ZNF276: variants seen among roughly 807,000 people sequenced by gnomAD.
ZNF276 encodes the protein centromere protein Z.
A neutral mutation model predicts 63.9 loss-of-function variants in ZNF276; 59 were observed. The ratio of observed to expected loss-of-function variants is 0.92; its 90% CI spans 0.75 to 1.15. The LOEUF is 1.15. Ranked by LOEUF, ZNF276 falls within the 50% of genes most tolerant of loss-of-function variation. ZNF276 has a pLI of 0.00. For missense variants in ZNF276, 1,084 were observed against 843.8 expected, an observed-to-expected ratio of 1.28 and a Z score of -3.53; for synonymous variants, 496 against 348.4, an observed-to-expected ratio of 1.42 and a Z score of -4.72.
intron 4 of ZNF276, 71 bp downstream of exon 4, chr16:89,723,780 A>G: frequency 1.4e-6 from 2 of 1,447,574 alleles, no homozygotes; most frequent in Non-Finnish European, 9.3e-7. Flanking sequence ...TTCAGCAGAA[A>G]GTGAATGTCT....
intron 4 of ZNF276, among the ~76,000 whole-genome samples, chr16:89,724,892 G>A (rs1347712329): frequency 6.6e-6 from 1 of 152,074 alleles, no homozygotes. Flanking sequence ...GTATATCTAT[G>A]TATCTACTTA....
intron 4 of ZNF276, among the ~76,000 whole-genome samples, chr16:89,726,123 C>G (rs778487043): frequency 6.6e-6 from 1 of 152,234 alleles, no homozygotes; most frequent in Admixed American, 6.5e-5. Flanking sequence ...TCAAGTGATT[C>G]TCCTGTCTCA....
Position 89,738,428 on chromosome 16 carries a change from C to A in ZNF276, c.*182C>A, listed in dbSNP as rs568833102. The A allele has an allele frequency of 1.9e-4, 263 of 1,376,020 alleles. 2 individuals are homozygous for A. In the Admixed American group the frequency reaches 5.4e-3, roughly 28 times the overall value. The allele number at this position is 1,376,020 out of a possible 1,614,324, so 85.2% of individuals were successfully genotyped here. On this transcript the variant is annotated 3_prime_UTR_variant, in exon 11 of 11. Coordinates refer to ENST00000443381, the MANE Select transcript of ZNF276 (RefSeq NM_001113525.2). ...GCTCTGGGACCAGTGGTTTATTTTC[C>A]CGCAAACGCTGAGTGACTCGGGGCC...
chr16:89,737,587 C>T (rs976098717), intron 9 of ZNF276: 5 of 791,130 alleles, frequency 6.3e-6, no homozygotes, highest in Non-Finnish European at 9.4e-6. Context: ...TAAAAACCAT[C>T]CTGAAATGCA....
Position 89,740,018 on chromosome 16 carries a change from C to T in ZNF276, c.*1772C>T, listed in dbSNP as rs2062088470. The T allele has an allele frequency of 2.5e-6, 4 of 1,614,142 alleles. No individual in the cohort carries two copies. Among genetic ancestry groups the T allele is most frequent in the Non-Finnish European group, 3.4e-6 (4 of 1,180,002 alleles). The stretch of plus-strand genomic sequence containing the variant: ...CCACTCTCTGTCAACTGAAAGAGTG[C>T]CAGCCAGGATATCTTCCTCTTCTCT... On this transcript the variant is annotated 3_prime_UTR_variant, in exon 11 of 11. Coordinates refer to ENST00000443381, the MANE Select transcript of ZNF276 (RefSeq NM_001113525.2).
chr16:89,738,406 C>A lies in ZNF276; in HGVS notation c.*160C>A. On this transcript the variant is annotated 3_prime_UTR_variant, in exon 11 of 11. Coordinates refer to ENST00000443381, the MANE Select transcript of ZNF276 (RefSeq NM_001113525.2). ...CCGGCTCAAGTAGCCTTCCTCTGCT[C>A]TGGGACCAGTGGTTTATTTTCCCGC... 1.5e-6 allele frequency: 2 copies of A among 1,378,098 alleles called. No individual in the cohort carries two copies. 85.4% of individuals were successfully genotyped at this position (1,378,098 alleles called of 1,614,324 possible). A position where few individuals can be genotyped will look rare whatever the true frequency, so the allele number is the denominator to read the frequency against.
chr16:89,734,699 A>C (rs1334063718), intron 9 of ZNF276, among the ~76,000 whole-genome samples: 1 of 152,102 alleles, frequency 6.6e-6, no homozygotes, highest in African/African-American at 2.4e-5. Flanking sequence ...GACAGGCGGG[A>C]GGCACGTGTG....
Position 89,722,827 on chromosome 16 carries a change from T to A in ZNF276, c.502T>A (p.Cys168Ser). The A allele has an allele frequency of 6.2e-7, 1 of 1,602,110 alleles. No homozygotes were observed. Among genetic ancestry groups the A allele is most frequent in the Non-Finnish European group, 8.5e-7 (1 of 1,179,774 alleles). ...NASPAGRRKPCAKVGAQPPTG... is the reference protein window; with the variant it reads ...NASPAGRRKPSAKVGAQPPTG... ...CTCCCCGGCTGGTCGCCGGAAGCCT[T>A]GTGCAAAGTACGCCCTAGTCTGTTC... The change falls in exon 2 of 11, where the codon TGT becomes AGT. Residue 168 changes from cysteine (C) to serine (S), a missense_variant. Cys to Ser is a moderately radical substitution (Grantham distance 112). Transcript: ENST00000443381.
chr16:89,736,965 G>A (rs111854386), intron 9 of ZNF276, among the ~76,000 whole-genome samples: 12 of 152,264 alleles, frequency 7.9e-5, no homozygotes, highest in African/African-American at 2.6e-4. Context: ...GAAGAGAAAA[G>A]TCTGTCTTGT....
In ZNF276 at chr16:89,733,060, C is replaced by T. The variant is rs2061726272; in HGVS notation, c.1170-242C>T. ...CTGCTGTACCCTGCGCCCTCGCCCT[C>T]TGCTGTGTTCACCCCTGACCCTGCT... On this transcript the variant is annotated intron_variant, in intron 6 of 10. Transcript: ENST00000443381. 5.6e-5 allele frequency: 30 copies of T among 534,466 alleles called. No individual in the cohort carries two copies. In the South Asian group the frequency reaches 5.8e-4, roughly 10 times the overall value. 33.1% of individuals were successfully genotyped at this position (534,466 alleles called of 1,614,324 possible). A position where few individuals can be genotyped will look rare whatever the true frequency, so the allele number is the denominator to read the frequency against.
chr16:89,726,898 C>T (rs1413252269), intron 4 of ZNF276, among the ~76,000 whole-genome samples: 1 of 152,206 alleles, frequency 6.6e-6, no homozygotes, highest in Non-Finnish European at 1.5e-5. Flanking sequence ...CCTGCATCGG[C>T]CTCCCAAAGT....
chr16:89,725,722 C>T (rs188830117), intron 4 of ZNF276, among the ~76,000 whole-genome samples: 60 of 152,078 alleles, frequency 3.9e-4, no homozygotes, highest in African/African-American at 1.4e-3. Context: ...CCCTGGGAGG[C>T]GGAGATTGCA....
At chr16:89,732,709 C>T (rs1301332554) in intron 6 of ZNF276, 2 of 207,436 alleles carry the variant, frequency 9.6e-6, no homozygotes, top group Middle Eastern at 2.2e-3. Context: ...CTGTACCCTG[C>T]GCCCTCGTCC....
chr16:89,723,429 G>A lies in ZNF276; in HGVS notation c.726G>A (p.Met242Ile), dbSNP rs1222389548. The A allele has an allele frequency of 3.1e-6, 5 of 1,612,956 alleles. No homozygotes were observed. Among genetic ancestry groups the A allele is most frequent in the East Asian group, 2.2e-5 (1 of 44,888 alleles). Residue 242 changes from methionine to isoleucine, a missense_variant, in exon 4 of 11, where the codon ATG becomes ATA. Transcript: ENST00000443381. ...GCGACCAGGGCCACGACTACACCATGGATACCAGCTCCAGCTGCAAGGCCT... is the reference window on the plus strand; with the variant it reads ...GCGACCAGGGCCACGACTACACCATAGATACCAGCTCCAGCTGCAAGGCCT... ...WGCDQGHDYT[M>I]DTSSSCKAFL...
In ZNF276 at chr16:89,740,789, T is replaced by G. The variant is rs1241597266; in HGVS notation, c.*2543T>G. 1 of 1,612,084 alleles carries G rather than the reference T, an allele frequency of 6.2e-7. No individual in the cohort carries two copies. The highest frequency in any genetic ancestry group is 8.5e-7 in the Non-Finnish European group (1 of 1,178,796). ...CAGTGGGAGAGGACACCTTGGCTGG[T>G]AAGGTCTGACTTACATTTGAGGTCA... is the stretch of plus-strand genomic sequence containing the variant. On this transcript the variant is annotated 3_prime_UTR_variant, in exon 11 of 11. Transcript: ENST00000443381.
chr16:89,725,820 T>C (rs8059398), intron 4 of ZNF276, among the ~76,000 whole-genome samples: 50,815 of 151,924 alleles, frequency 0.33, 9,702 homozygotes, highest in Middle Eastern at 0.45. Flanking sequence ...AAAGAAAACT[T>C]ATTTTAAGTA....
chr16:89,721,520 C>T (rs2061271649), upstream of ZNF276: 3 of 988,380 alleles, frequency 3.0e-6, no homozygotes, highest in Non-Finnish European at 4.2e-6. Context: ...CTTTGCTTCT[C>T]GCTCCGCCCC....
At chr16:89,735,293 G>A (rs1039797136) in intron 9 of ZNF276, among the ~76,000 whole-genome samples, 3 of 151,822 alleles carry the variant, frequency 2.0e-5, no homozygotes, top group Admixed American at 6.6e-5. Flanking sequence ...AAGGGGTGGG[G>A]GGGGGCCTGG....
At position 89,739,660 on chromosome 16, in the gene ZNF276, G is replaced by T; in HGVS notation, c.*1414G>T. ...CGTGTACCCTGGGAGGCCTGGCTGT[G>T]GGGATAGTGTGGGGCGAACAGCCTG... On this transcript the variant is annotated 3_prime_UTR_variant, in exon 11 of 11. Coordinates refer to ENST00000443381, the MANE Select transcript of ZNF276 (RefSeq NM_001113525.2). 1 of 1,506,950 alleles carries T rather than the reference G, an allele frequency of 6.6e-7. No homozygotes were observed. The highest frequency in any genetic ancestry group is 9.0e-7 in the Non-Finnish European group (1 of 1,110,642). 93.3% of individuals were successfully genotyped at this position (1,506,950 alleles called of 1,614,324 possible). A position where few individuals can be genotyped will look rare whatever the true frequency, so the allele number is the denominator to read the frequency against.
Sources: allele counts gnomAD v4.1 joint callset (sites outside exome capture counted in the v4.1 genomes callset), GRCh38; gene constraint gnomAD v4.1.1; transcripts MANE v1.5; gene names NCBI Gene and HGNC (gene_info 2026-07-23, HGNC 2026-07-21).